Variants in SIGLEC5 observed in about 807,000 individuals in gnomAD.
The protein encoded by SIGLEC5 is sialic acid-binding Ig-like lectin 5.
SIGLEC5 carries 34 observed loss-of-function variants against 45.9 expected under a neutral mutation model. The observed-to-expected ratio is 0.74, with a 90% CI of 0.56 to 0.99. The LOEUF (loss-of-function observed/expected upper bound fraction) is 0.99, where lower values mean the gene tolerates loss of function less well. Ranked by LOEUF, SIGLEC5 falls within the 50% of genes least tolerant of loss-of-function variation. The pLI is 0.00. For synonymous variants in SIGLEC5, 203 were observed against 258.6 expected (o/e 0.79, Z 2.06); for missense variants, 508 against 629.6 (o/e 0.81, Z 2.07).
In SIGLEC5 at chr19:51,629,898, C is replaced by T. The variant is rs770527359; in HGVS notation, c.356G>A (p.Arg119His). ...TTTTACATCCCTTCCTCTCTCCACG[C>T]GGAAGAAATAGCTTCCCGTGTCCTC... is the stretch of plus-strand genomic sequence containing the variant. ...RMEDTGSYFF[R>H]VERGRDVKYS... The change falls in exon 2 of 9, where the codon CGC becomes CAC. Residue 119 changes from arginine (R) to histidine (H), a missense_variant. Around this residue, in one of 2 missense-constraint regions of SIGLEC5, gnomAD observed 77 missense variants for 200.8 expected, o/e 0.38. Transcript: ENST00000683636. 1.9e-5 allele frequency: 22 copies of T among 1,176,610 alleles called. 2 individuals are homozygous for T. The highest frequency in any genetic ancestry group is 1.7e-4 in the South Asian group (14 of 80,624). 72.9% of individuals were successfully genotyped at this position (1,176,610 alleles called of 1,614,324 possible). A position where few individuals can be genotyped will look rare whatever the true frequency, so the allele number is the denominator to read the frequency against.
At chr19:51,626,729 A>C (rs921067284) in intron 7 of SIGLEC5, among the ~76,000 whole-genome samples, 1 of 152,146 alleles carries the variant, frequency 6.6e-6, no homozygotes, top group Non-Finnish European at 1.5e-5. Context: ...GGCTGATGAA[A>C]ATGTTCTAAA....
At chr19:51,617,562 A>G (rs1568588837) in intron 8 of SIGLEC5, among the ~76,000 whole-genome samples, 1 of 152,226 alleles carries the variant, frequency 6.6e-6, no homozygotes, top group East Asian at 1.9e-4. Flanking sequence ...TTAAAGCACC[A>G]AAGGAAAATC....
intron 8 of SIGLEC5, among the ~76,000 whole-genome samples, chr19:51,619,309 T>C (rs1266696649): frequency 6.6e-6 from 1 of 152,194 alleles, no homozygotes; most frequent in Admixed American, 6.5e-5. Context: ...CTTGAACTCC[T>C]GACCTTGTGA....
rs8104955 is a variant in SIGLEC5 at position 51,627,535 on chromosome 19, G to C, written c.1209C>G (p.Ser403Arg). The change falls in exon 6 of 9, where the codon AGC becomes AGG. Residue 403 changes from serine to arginine, a missense_variant. Ser to Arg is a moderately radical substitution (Grantham distance 110). Coordinates refer to ENST00000683636, the MANE Select transcript of SIGLEC5 (RefSeq NM_003830.4). ...NSSLILHGGL[S>R]SDLKVSCKAW... ...CCTTGCAGCTGACTTTGAGGTCGGA[G>C]CTGAGCCCCCCGTGGAGGATCAGGG... The C allele has an allele frequency of 5.6e-6, 9 of 1,613,992 alleles. No individual in the cohort carries two copies. The Admixed American group carries it at 1.2e-4, about 21-fold the overall frequency.
chr19:51,628,120 A>G, intron 4 of SIGLEC5, 29 bp from the exon 5 acceptor site: 2 of 1,499,364 alleles, frequency 1.3e-6, no homozygotes, highest in Non-Finnish European at 1.8e-6. Context: ...GGGGAAAGAG[A>G]GATGGGGCCA....
intron 8 of SIGLEC5, among the ~76,000 whole-genome samples, chr19:51,622,520 G>C (rs1318009862): frequency 6.6e-6 from 1 of 151,640 alleles, no homozygotes; most frequent in Non-Finnish European, 1.5e-5. Flanking sequence ...GATTAAGGAA[G>C]AGGTTTTGCT....
chr19:51,624,137 C>G (rs1983392432), intron 8 of SIGLEC5, among the ~76,000 whole-genome samples: 1 of 151,972 alleles, frequency 6.6e-6, no homozygotes, highest in Non-Finnish European at 1.5e-5. Context: ...CCAACCTGGG[C>G]AATGGAGTCA....
intron 8 of SIGLEC5, among the ~76,000 whole-genome samples, chr19:51,614,979 G>A (rs1983001391): frequency 6.6e-6 from 1 of 152,136 alleles, no homozygotes; most frequent in African/African-American, 2.4e-5. Context: ...AAAACAGAGA[G>A]GTTCATTAGC....
rs181481353 is a variant in SIGLEC5, at chr19:51,617,075, G to A, written c.1465-4653C>T. Among the ~76,000 whole-genome samples the A allele has an allele frequency of 8.3e-3, 1,259 of 151,984 alleles. 8 individuals are homozygous for A. Among genetic ancestry groups the A allele is most frequent in the South Asian group, 0.031 (150 of 4,800 alleles). On this transcript the variant is annotated intron_variant, in intron 8 of 8. Coordinates refer to ENST00000683636, the MANE Select transcript of SIGLEC5 (RefSeq NM_003830.4). ...TCAAGACCATCCTGGCTAAGACGGTGAAACCCCGTCTCTACTAAAAATACA... is the reference window on the plus strand; with the variant it reads ...TCAAGACCATCCTGGCTAAGACGGTAAAACCCCGTCTCTACTAAAAATACA...
intron 8 of SIGLEC5, among the ~76,000 whole-genome samples, chr19:51,625,049 G>A (rs929738533): frequency 1.7e-4 from 26 of 152,174 alleles, no homozygotes; most frequent in South Asian, 2.1e-4. Flanking sequence ...TGATGGGGAC[G>A]GGGATGCATG....
rs765883490 is a variant in SIGLEC5 at position 51,627,671 on chromosome 19, C to A, written c.1073G>T (p.Arg358Leu). 1 of 1,610,560 alleles carries A rather than the reference C, an allele frequency of 6.2e-7. No individual in the cohort carries two copies. The highest frequency in any genetic ancestry group is 1.1e-5 in the South Asian group (1 of 90,854). The stretch of plus-strand genomic sequence containing the variant: ...CCGCCAGCACAGGGAGGGGGCCGGC[C>A]GGGCTCGAAAGGAGCATCTGCAGTG... ...GLHCRCSFRA[R>L]PAPSLCWRLE... is the part of the protein sequence containing the mutation. Residue 358 changes from arginine (R) to leucine (L), a missense_variant, in exon 6 of 9, where the codon CGG (arginine) becomes CTG (leucine). This residue lies in a region of SIGLEC5 where 431 missense variants were observed against 428.8 expected (regional missense o/e 1.01). Transcript: ENST00000683636.
Position 51,628,042 on chromosome 19 carries a change from C to T in SIGLEC5, c.789G>A (p.Gln263=). The T allele has an allele frequency of 6.3e-7, 1 of 1,592,696 alleles. No individual in the cohort carries two copies. The highest frequency in any genetic ancestry group is 8.6e-7 in the Non-Finnish European group (1 of 1,169,248). ...NTSYLPVLEG[Q]ALRLLCDAPS... is the part of the protein sequence containing the mutation. ...GAGCATCACAGAGCAGCCGCAGAGC[C>T]TGGCCCTCCAGGACCGGAAGGTATG... Residue 263 remains glutamine, a synonymous_variant, in exon 5 of 9, where the codon CAG becomes CAA. Transcript: ENST00000683636.
chr19:51,617,762 A>G (rs1983120865), intron 8 of SIGLEC5, among the ~76,000 whole-genome samples: 1 of 152,182 alleles, frequency 6.6e-6, no homozygotes, highest in South Asian at 2.1e-4. Context: ...TGGAATAGAA[A>G]GGTGACAAAA....
At chr19:51,617,346 G>A (rs1182655237) in intron 8 of SIGLEC5, among the ~76,000 whole-genome samples, 1 of 151,916 alleles carries the variant, frequency 6.6e-6, no homozygotes, top group East Asian at 1.9e-4. Flanking sequence ...CACCTCAGCT[G>A]AAAGGGCCCC....
chr19:51,617,792 G>T (rs1568588924), intron 8 of SIGLEC5, among the ~76,000 whole-genome samples: 1 of 151,988 alleles, frequency 6.6e-6, no homozygotes, highest in Non-Finnish European at 1.5e-5. Context: ...AAAATGTGTA[G>T]CTGTATATTT....
chr19:51,614,849 T>C (rs536916147), intron 8 of SIGLEC5, among the ~76,000 whole-genome samples: 2 of 152,334 alleles, frequency 1.3e-5, no homozygotes, highest in South Asian at 2.1e-4. Flanking sequence ...GGAAAAGTAA[T>C]ACTGGGTAAC....
intron 4 of SIGLEC5, 119 bp from the exon 5 acceptor site, chr19:51,628,210 C>T (rs1371566549): frequency 2.6e-6 from 3 of 1,159,132 alleles, no homozygotes; most frequent in South Asian, 2.0e-5. Flanking sequence ...CCTATGCTGG[C>T]TTGATTGCAT....
At chr19:51,629,210 C>G (rs1983630944) in intron 3 of SIGLEC5, 134 bp from the exon 4 acceptor site, 4 of 1,535,184 alleles carry the variant, frequency 2.6e-6, no homozygotes, top group Non-Finnish European at 3.5e-6. Context: ...CCGCAGATCC[C>G]AAGGCTTAGA....
chr19:51,616,866 G>C (rs1399386894), intron 8 of SIGLEC5, among the ~76,000 whole-genome samples: 1 of 129,828 alleles, frequency 7.7e-6, no homozygotes, highest in Non-Finnish European at 1.5e-5. Context: ...AGCCGAGATT[G>C]TGCCACTGCA....
Sources: allele counts gnomAD v4.1 joint callset (sites outside exome capture counted in the v4.1 genomes callset), GRCh38; gene constraint gnomAD v4.1.1; regional missense constraint gnomAD v4.1.1; transcripts MANE v1.5; gene names NCBI Gene and HGNC (gene_info 2026-07-23, HGNC 2026-07-21).